The following CNBD2 variants were observed in gnomAD, a reference collection of about 807,000 sequenced individuals.
CNBD2 encodes the protein cyclic nucleotide binding domain containing 2.
A neutral mutation model predicts 63.7 loss-of-function variants in CNBD2; 64 were observed. The ratio of observed to expected loss-of-function variants is 1.00; its 90% CI spans 0.82 to 1.24. The LOEUF (loss-of-function observed/expected upper bound fraction) is 1.24, where lower values mean the gene tolerates loss of function less well. Ranked by LOEUF, CNBD2 falls within the 50% of genes most tolerant of loss-of-function variation. The pLI is 0.00. For synonymous variants in CNBD2, 229 were observed against 255.4 expected (o/e 0.90, Z 0.99); for missense variants, 691 against 713.5 (o/e 0.97, Z 0.36).
At chr20:35,990,584 C>T (rs2056732036) in intron 7 of CNBD2, among the ~76,000 whole-genome samples, 1 of 150,978 alleles carries the variant, frequency 6.6e-6, no homozygotes, top group African/African-American at 2.4e-5. Context: ...GCCAATATCT[C>T]ACCACTGCAC....
chr20:35,987,961 C>T (rs2056691547), intron 7 of CNBD2, among the ~76,000 whole-genome samples: 3 of 152,292 alleles, frequency 2.0e-5, no homozygotes, highest in South Asian at 4.1e-4. Context: ...CCTCTGCCTC[C>T]TGGGTTTCAG....
intron 10 of CNBD2, among the ~76,000 whole-genome samples, chr20:36,018,936 G>A (rs1216561743): frequency 6.6e-6 from 1 of 152,194 alleles, no homozygotes; most frequent in African/African-American, 2.4e-5. Flanking sequence ...CTAAAGTTGT[G>A]TGGCTCCATT....
Position 35,961,824 on chromosome 20 carries a change from C to T in CNBD2, c.228+4050C>T, listed in dbSNP as rs6121107. 9.6e-3 allele frequency among the ~76,000 whole-genome samples: 1,461 copies of T among 152,186 alleles called. 16 individuals carry two copies. The highest frequency in any genetic ancestry group is 0.032 in the African/African-American group (1,349 of 41,514). On this transcript the variant is annotated intron_variant, in intron 2 of 4. Transcript: ENST00000622112. ...GAATTGGTTTAGCCCTCTCCTCTTC[C>T]GATCAGTTGGAGCTTGGCAGCTGTA...
At chr20:35,962,588 C>T (rs183213744) in intron 2 of CNBD2, among the ~76,000 whole-genome samples, 144 of 152,240 alleles carry the variant, frequency 9.5e-4, no homozygotes, top group African/African-American at 3.4e-3. Flanking sequence ...GTCCCCAGGA[C>T]ATTGGAGCCC....
At chr20:35,964,310 A>T (rs2056329001), upstream of CNBD2, among the ~76,000 whole-genome samples, 1 of 151,642 alleles carries the variant, frequency 6.6e-6, no homozygotes, top group African/African-American at 2.4e-5. Flanking sequence ...CCTCCCTAAT[A>T]GCTGGGATTA....
At chr20:36,005,504 A>G (rs2056972020) in intron 8 of CNBD2, among the ~76,000 whole-genome samples, 1 of 152,230 alleles carries the variant, frequency 6.6e-6, no homozygotes, top group Non-Finnish European at 1.5e-5. Context: ...GGACCCCTGA[A>G]ATAGTTAATC....
Position 36,030,596 on chromosome 20 carries a change from T to C in CNBD2, c.1679T>C (p.Ile560Thr), listed in dbSNP as rs759083843. Residue 560 changes from isoleucine to threonine, a missense_variant, in exon 12 of 12, where the codon ATT becomes ACT. Ile to Thr is a moderately conservative substitution (Grantham distance 89). Coordinates refer to ENST00000373973, the MANE Select transcript of CNBD2 (RefSeq NM_001365709.1). ...CAGAAATACCTCCCCCCATTGAGGA[T>C]TGTCCAAGCCATCAAAGCACCTCGG... Reference protein sequence around the residue: ...APQKYLPPLRIVQAIKAPRYK... With the variant: ...APQKYLPPLRTVQAIKAPRYK... 5.6e-6 allele frequency: 9 copies of C among 1,614,136 alleles called. No individual in the cohort carries two copies. The highest frequency in any genetic ancestry group is 1.1e-5 in the South Asian group (1 of 91,086).
In CNBD2 at chr20:36,023,591, C is replaced by T. The variant is rs750753712; in HGVS notation, c.1270-11C>T. 1.9e-6 allele frequency: 3 copies of T among 1,562,080 alleles called. No homozygotes were observed. In the African/African-American group the frequency reaches 4.2e-5, roughly 22 times the overall value. ...GTCTCTGAGGTCTAACTTTCTGTGA[C>T]TTCTCCCGAGGGTCTTCACCAGGCC... On this transcript the variant is annotated splice_polypyrimidine_tract_variant and intron_variant, in intron 10 of 11. Coordinates refer to ENST00000373973, the MANE Select transcript of CNBD2 (RefSeq NM_001365709.1).
intron 1 of CNBD2, 40 bp from the exon 2 acceptor site, chr20:35,972,589 C>G: frequency 6.2e-7 from 1 of 1,607,568 alleles, no homozygotes; most frequent in South Asian, 1.1e-5. Context: ...CTGTTGAGAA[C>G]AGATGGTTTC....
upstream of CNBD2, among the ~76,000 whole-genome samples, chr20:35,968,007 G>A (rs1479360544): frequency 6.6e-6 from 1 of 152,132 alleles, no homozygotes; most frequent in African/African-American, 2.4e-5. Flanking sequence ...TCCTTGTGGG[G>A]CAGGGCTAAC....
At chr20:36,013,917 C>G (rs1267214487) in intron 10 of CNBD2, among the ~76,000 whole-genome samples, 3 of 152,064 alleles carry the variant, frequency 2.0e-5, no homozygotes, top group Middle Eastern at 3.2e-3. Context: ...TGTGGTGGCT[C>G]ACGCCTGTAA....
At chr20:36,005,750 A>G (rs1039249013) in intron 8 of CNBD2, among the ~76,000 whole-genome samples, 4 of 151,950 alleles carry the variant, frequency 2.6e-5, no homozygotes, top group African/African-American at 9.7e-5. Flanking sequence ...GGAGATCGAG[A>G]TCATCCTGGC....
In CNBD2 at chr20:35,961,055, G is replaced by A. The variant is rs147896636; in HGVS notation, c.228+3281G>A. ...AGCTATTCTCTTGCCTCAGCCTCTCGAGTAGCTGGGATTACAGACGCCTGC... is the reference window on the plus strand; with the variant it reads ...AGCTATTCTCTTGCCTCAGCCTCTCAAGTAGCTGGGATTACAGACGCCTGC... On this transcript the variant is annotated intron_variant, in intron 2 of 4. Transcript: ENST00000622112. Among the ~76,000 whole-genome samples, 4 of 152,006 alleles carry A rather than the reference G, an allele frequency of 2.6e-5. No homozygotes were observed. The East Asian group carries it at 5.8e-4, about 22-fold the overall frequency.
chr20:35,967,385 G>A (rs1230851364), upstream of CNBD2, among the ~76,000 whole-genome samples: 1 of 151,252 alleles, frequency 6.6e-6, no homozygotes, highest in Non-Finnish European at 1.5e-5. Flanking sequence ...GAGTAGCTGG[G>A]ATTATAGGTG....
chr20:36,019,302 G>A (rs1450637817), intron 10 of CNBD2, among the ~76,000 whole-genome samples: 1 of 151,962 alleles, frequency 6.6e-6, no homozygotes, highest in Admixed American at 6.6e-5. Flanking sequence ...AAGGAAGGAG[G>A]ATGGCTGAGG....
intron 7 of CNBD2, among the ~76,000 whole-genome samples, chr20:35,990,169 T>C (rs892794073): frequency 1.3e-5 from 2 of 152,192 alleles, no homozygotes; most frequent in Non-Finnish European, 2.9e-5. Context: ...GGATAATTTA[T>C]ACAATGGAAT....
At chr20:35,962,116 C>T (rs973903400) in intron 2 of CNBD2, among the ~76,000 whole-genome samples, 5 of 152,136 alleles carry the variant, frequency 3.3e-5, no homozygotes, top group African/African-American at 9.7e-5. Context: ...CCCTCATTGC[C>T]GCACAGGCTG....
At chr20:36,000,850 A>G (rs1378877149) in intron 8 of CNBD2, among the ~76,000 whole-genome samples, 1 of 149,810 alleles carries the variant, frequency 6.7e-6, no homozygotes, top group African/African-American at 2.5e-5. Context: ...GTCAGCAGAT[A>G]AGTGAACAAA....
intron 8 of CNBD2, among the ~76,000 whole-genome samples, chr20:36,000,182 A>G (rs1483740553): frequency 1.3e-5 from 2 of 152,058 alleles, no homozygotes; most frequent in Non-Finnish European, 2.9e-5. Context: ...CAGCTTTTCT[A>G]TGTCTGAAAA....
Sources: allele counts gnomAD v4.1 joint callset (sites outside exome capture counted in the v4.1 genomes callset), GRCh38; gene constraint gnomAD v4.1.1; transcripts MANE v1.5; gene names NCBI Gene and HGNC (gene_info 2026-07-23, HGNC 2026-07-21).